ANKRD29: variants seen among roughly 807,000 people sequenced by gnomAD.
ANKRD29 encodes the protein ankyrin repeat domain-containing protein 29.
In ANKRD29, 32 loss-of-function variants were observed where a neutral mutation model predicts 38.0. That is an observed-to-expected ratio of 0.84 (90% CI 0.64 to 1.13). ANKRD29 has a LOEUF of 1.13. Among genes scored for constraint, ANKRD29 ranks in the 50% most tolerant of loss-of-function variants. The pLI is 0.00. For missense variants in ANKRD29, 357 were observed against 377.9 expected (o/e 0.94, Z 0.46); for synonymous variants, 135 against 152.4 (o/e 0.89, Z 0.84).
chr18:23,638,281 T>C (rs2060028992), intron 4 of ANKRD29, among the ~76,000 whole-genome samples: 1 of 152,162 alleles, frequency 6.6e-6, no homozygotes, highest in Admixed American at 6.5e-5. Context: ...ATTACAGGCA[T>C]GAACCACCGC....
At chr18:23,632,716 T>A (rs1423495552) in intron 5 of ANKRD29, among the ~76,000 whole-genome samples, 1 of 152,134 alleles carries the variant, frequency 6.6e-6, no homozygotes, top group Non-Finnish European at 1.5e-5. Context: ...AGTATTTTTT[T>A]AAACTTTCCC....
intron 9 of ANKRD29, among the ~76,000 whole-genome samples, chr18:23,605,905 A>G (rs1313436000): frequency 6.6e-6 from 1 of 151,964 alleles, no homozygotes; most frequent in African/African-American, 2.4e-5. Flanking sequence ...GCTTCATCAG[A>G]GACATTCTTA....
chr18:23,610,608 A>G (rs1176254026), intron 9 of ANKRD29, among the ~76,000 whole-genome samples: 4 of 151,368 alleles, frequency 2.6e-5, no homozygotes, highest in Admixed American at 6.6e-5. Flanking sequence ...CAGCCTGGGC[A>G]ACACAGCAAG....
chr18:23,662,669 AG>A lies in ANKRD29; in HGVS notation c.21+40del, dbSNP rs2060382176. The A allele has an allele frequency of 2.7e-6, 3 of 1,126,162 alleles. No individual in the cohort carries two copies. In the South Asian group the frequency reaches 4.6e-5, roughly 17 times the overall value. The allele number at this position is 1,126,162 out of a possible 1,614,324, so 69.8% of individuals were successfully genotyped here. On this transcript the variant is annotated intron_variant, in intron 1 of 9. Coordinates refer to ENST00000592179, the MANE Select transcript of ANKRD29 (RefSeq NM_173505.4). Reference sequence around the variant, plus strand: ...CCGACCCCGCGGGCCCGGCCGCCCGAGCCCGGCCCCAGCCCTGACCCCGGAG... The same window carrying A: ...CCGACCCCGCGGGCCCGGCCGCCCGACCCGGCCCCAGCCCTGACCCCGGAG...
intron 5 of ANKRD29, among the ~76,000 whole-genome samples, chr18:23,630,803 CTT>C (rs556409382): frequency 7.0e-6 from 1 of 143,384 alleles, no homozygotes; most frequent in Non-Finnish European, 1.5e-5. Context: ...TCTAAAAATT[CTT>C]TTTTTTTTTA....
At chr18:23,626,116 C>G (rs556944332) in intron 6 of ANKRD29, among the ~76,000 whole-genome samples, 15 of 152,188 alleles carry the variant, frequency 9.9e-5, no homozygotes, top group Non-Finnish European at 2.2e-4. Flanking sequence ...CAGGATTCTA[C>G]GCTAATCTTT....
chr18:23,616,631 T>TA (rs2059726132), intron 8 of ANKRD29, among the ~76,000 whole-genome samples: 1 of 142,638 alleles, frequency 7.0e-6, no homozygotes, highest in South Asian at 2.3e-4. Flanking sequence ...AGTAAATACA[T>TA]TCTGTAGTAT....
At chr18:23,626,727 A>G (rs2059866816) in intron 6 of ANKRD29, among the ~76,000 whole-genome samples, 1 of 152,238 alleles carries the variant, frequency 6.6e-6, no homozygotes, top group Non-Finnish European at 1.5e-5. Flanking sequence ...TTTAGTTCTC[A>G]GTGATAGAGT....
chr18:23,660,587 C>T (rs147728061), intron 1 of ANKRD29, among the ~76,000 whole-genome samples: 1,618 of 152,256 alleles, frequency 0.011, 36 homozygotes, highest in African/African-American at 0.037. Context: ...CGGGCGATCA[C>T]GTGAGGTCAG....
intron 1 of ANKRD29, among the ~76,000 whole-genome samples, chr18:23,654,753 C>T (rs2145737340): frequency 6.6e-6 from 1 of 152,240 alleles, no homozygotes; most frequent in African/African-American, 2.4e-5. Context: ...CTACTTGCCC[C>T]CTTCCATTTA....
intron 1 of ANKRD29, among the ~76,000 whole-genome samples, chr18:23,651,858 C>A (rs561141472): frequency 3.8e-4 from 58 of 152,284 alleles, no homozygotes; most frequent in East Asian, 5.8e-4. Context: ...GAGGCAGCAA[C>A]AGTGGGTATG....
chr18:23,623,131 T>C (rs1489116117), intron 6 of ANKRD29, among the ~76,000 whole-genome samples: 1 of 152,224 alleles, frequency 6.6e-6, no homozygotes, highest in Admixed American at 6.5e-5. Flanking sequence ...CTGAGTAGTA[T>C]TTATCATGAG....
rs529856834 is a variant in ANKRD29, at chr18:23,623,183, C to A, written c.529-3554G>T. 3.9e-5 allele frequency among the ~76,000 whole-genome samples: 6 copies of A among 152,198 alleles called. No individual in the cohort carries two copies. The South Asian group carries it at 1.0e-3, about 26-fold the overall frequency. On this transcript the variant is annotated intron_variant, in intron 6 of 9. Transcript: ENST00000592179. ...AATTTGTACTTTTGTTCACAAAATA[C>A]TTCCATATGCTTTTTAATTTGATTC... is the stretch of plus-strand genomic sequence containing the variant.
Position 23,619,585 on chromosome 18 carries a change from G to C in ANKRD29, c.573C>G (p.Ser191Arg), listed in dbSNP as rs769632201. Residue 191 changes from serine to arginine, a missense_variant, in exon 7 of 10, where the codon AGC becomes AGG. Ser to Arg is a moderately radical substitution (Grantham distance 110). Coordinates refer to ENST00000592179, the MANE Select transcript of ANKRD29 (RefSeq NM_173505.4). Reference protein sequence around the residue: ...PLWIASQMGHSEVVRVMLLRG... With the variant: ...PLWIASQMGHREVVRVMLLRG... ...GCAGCAGCATCACCCGCACCACCTC[G>C]CTGTGGCCCATCTGGGACGCGATCC... The C allele has an allele frequency of 6.3e-7, 1 of 1,597,422 alleles. No individual in the cohort carries two copies. The highest frequency in any genetic ancestry group is 8.5e-7 in the Non-Finnish European group (1 of 1,178,982).
intron 5 of ANKRD29, among the ~76,000 whole-genome samples, 183 bp downstream of exon 5, chr18:23,633,868 C>CATATAT (rs1905212818): frequency 2.8e-5 from 4 of 142,932 alleles, no homozygotes; most frequent in Admixed American, 1.5e-4. Context: ...CGCGCCCGGC[C>CATATAT]AGATATGTGG....
At position 23,616,584 on chromosome 18, in the gene ANKRD29, ATATATATATACTATATATAC is replaced by A. The variant is rs1380854222; in HGVS notation, c.723+1128_723+1147del. On this transcript the variant is annotated intron_variant, in intron 8 of 9. Transcript: ENST00000592179. ...TATATACACTATATATACAGTATAT[ATATATATATACTATATATAC>A]TATATATATAGTGTATAGTAAATAC... 7.7e-5 allele frequency among the ~76,000 whole-genome samples: 11 copies of A among 142,984 alleles called. No homozygotes were observed. In the South Asian group the frequency reaches 1.3e-3, roughly 17 times the overall value. 93.8% of individuals were successfully genotyped at this position (142,984 alleles called of 152,430 possible).
In ANKRD29 at chr18:23,619,617, G is replaced by A. The variant is rs1470983912; in HGVS notation, c.541C>T (p.Pro181Ser). Residue 181 changes from proline (P) to serine (S), a missense_variant, in exon 7 of 10, where the codon CCC (proline) becomes TCC (serine). Pro to Ser is a moderately conservative substitution (Grantham distance 74). Coordinates refer to ENST00000592179, the MANE Select transcript of ANKRD29 (RefSeq NM_173505.4). ...VNQPRQDGTA[P>S]LWIASQMGHS... ...CCCATCTGGGACGCGATCCACAGGG[G>A]CGCTGTCCCGTCCTGCGGGAAGAGG... The A allele has an allele frequency of 6.3e-7, 1 of 1,590,250 alleles. No individual in the cohort carries two copies. Among genetic ancestry groups the A allele is most frequent in the Non-Finnish European group, 8.5e-7 (1 of 1,176,304 alleles).
At position 23,657,679 on chromosome 18, in the gene ANKRD29, A is replaced by G. The variant is rs529488346; in HGVS notation, c.21+5031T>C. ...GGACATTGCATATAAATGGAATCAT[A>G]CAATATATGGCATTCTGTGTCTGGT... On this transcript the variant is annotated intron_variant, in intron 1 of 9. Transcript: ENST00000592179. Among the ~76,000 whole-genome samples, 6 of 152,342 alleles carry G rather than the reference A, an allele frequency of 3.9e-5. No individual in the cohort carries two copies. In the South Asian group the frequency reaches 1.2e-3, roughly 32 times the overall value.
chr18:23,613,707 C>T (rs2059674816), intron 8 of ANKRD29, among the ~76,000 whole-genome samples: 1 of 151,068 alleles, frequency 6.6e-6, no homozygotes, highest in Non-Finnish European at 1.5e-5. Context: ...TCACGCCATT[C>T]TCCTGCCTCA....
Sources: allele counts gnomAD v4.1 joint callset (sites outside exome capture counted in the v4.1 genomes callset), GRCh38; gene constraint gnomAD v4.1.1; transcripts MANE v1.5; gene names NCBI Gene and HGNC (gene_info 2026-07-23, HGNC 2026-07-21).